Variants in RFC3 observed in about 807,000 individuals in gnomAD.
The protein encoded by RFC3 is A1 38 kDa subunit.
Under a neutral mutation model 45.1 loss-of-function variants are expected in RFC3, and 41 were observed. That is an observed-to-expected ratio of 0.91 (90% confidence interval 0.71 to 1.18). RFC3 has a LOEUF of 1.18. RFC3 is among the 50% of genes most tolerant of loss of function. RFC3 has a pLI of 0.00. For synonymous variants in RFC3, 149 were observed against 144.0 expected (o/e 1.03, Z -0.25); for missense variants, 423 against 428.1 (o/e 0.99, Z 0.10).
chr13:33,892,602 T>A (rs1018666077), intron 8 of RFC3, among the ~76,000 whole-genome samples: 13 of 152,176 alleles, frequency 8.5e-5, no homozygotes, highest in Non-Finnish European at 7.4e-5. Flanking sequence ...AAGTTAGTGT[T>A]TTTGTGTCTC....
At chr13:33,852,062 T>C (rs1162800525) in intron 8 of RFC3, among the ~76,000 whole-genome samples, 3 of 152,186 alleles carry the variant, frequency 2.0e-5, no homozygotes, top group South Asian at 2.1e-4. Context: ...ATGAGAGTAT[T>C]GCACTATCTG....
rs533458165 is a variant in RFC3, at chr13:33,829,779, CAAGTT to C, written c.392-54_392-50del. On this transcript the variant is annotated intron_variant, in intron 4 of 8. Coordinates refer to ENST00000380071, the MANE Select transcript of RFC3 (RefSeq NM_002915.4). Reference sequence around the variant, plus strand: ...TGGATAATGAGAAGGAAGAAAGAGACAAGTTAAAGTTTGAGTGAACTCAAGTTAAA... The same window carrying C: ...TGGATAATGAGAAGGAAGAAAGAGACAAAGTTTGAGTGAACTCAAGTTAAA... 4.2e-3 allele frequency: 5,478 copies of C among 1,314,494 alleles called. 10 individuals carry two copies. Among genetic ancestry groups the C allele is most frequent in the Non-Finnish European group, 5.1e-3 (4,604 of 907,756 alleles). The allele number at this position is 1,314,494 out of a possible 1,614,324, so 81.4% of individuals were successfully genotyped here. A position where few individuals can be genotyped will look rare whatever the true frequency, so the allele number is the denominator to read the frequency against.
chr13:33,887,968 G>T (rs1343248278), intron 8 of RFC3, among the ~76,000 whole-genome samples: 6 of 152,198 alleles, frequency 3.9e-5, no homozygotes, highest in Non-Finnish European at 7.3e-5. Context: ...TGAGGGCTCT[G>T]TTCTGTTCCA....
intron 8 of RFC3, among the ~76,000 whole-genome samples, chr13:33,910,317 A>G (rs2082696410): frequency 6.6e-6 from 1 of 152,108 alleles, no homozygotes; most frequent in Non-Finnish European, 1.5e-5. Context: ...TCACTTAGAC[A>G]TTATCTTTTC....
At chr13:33,818,305 C>A (rs1473562591) in intron 1 of RFC3, 40 bp downstream of exon 1, 2 of 1,576,364 alleles carry the variant, frequency 1.3e-6, no homozygotes, top group Non-Finnish European at 1.7e-6. Context: ...GAGGGGAGGC[C>A]CCCCGGCTCG....
chr13:33,935,906 G>A (rs1454934143), intron 8 of RFC3, among the ~76,000 whole-genome samples: 1 of 152,172 alleles, frequency 6.6e-6, no homozygotes, highest in Non-Finnish European at 1.5e-5. Flanking sequence ...AAAATGTGCT[G>A]GGCCTAAAGT....
chr13:33,935,933 A>G (rs1056939630), intron 8 of RFC3, among the ~76,000 whole-genome samples: 5 of 152,228 alleles, frequency 3.3e-5, no homozygotes, highest in African/African-American at 9.6e-5. Context: ...TCACAGCTCA[A>G]GCTGCTGCAT....
the RFC3 span, among the ~76,000 whole-genome samples, chr13:33,972,832 A>G: frequency 6.6e-6 from 1 of 152,230 alleles, no homozygotes; most frequent in African/African-American, 2.4e-5. Context: ...CATATAATAC[A>G]ATAATATGAC....
intron 6 of RFC3, 55 bp downstream of exon 6, chr13:33,830,910 C>T (rs1241528534): frequency 1.3e-6 from 2 of 1,515,776 alleles, no homozygotes; most frequent in African/African-American, 2.8e-5. Flanking sequence ...CTTTTTGGCA[C>T]CAGGGACCAG....
At chr13:33,894,461 A>C (rs983945214) in intron 8 of RFC3, among the ~76,000 whole-genome samples, 11 of 152,198 alleles carry the variant, frequency 7.2e-5, no homozygotes, top group African/African-American at 2.7e-4. Flanking sequence ...AGAAGCTTCC[A>C]ACTGTGATTC....
intron 8 of RFC3, among the ~76,000 whole-genome samples, chr13:33,926,338 C>A (rs2082813395): frequency 6.6e-6 from 1 of 151,042 alleles, no homozygotes; most frequent in Non-Finnish European, 1.5e-5. Context: ...TGCACATGTA[C>A]CCTAAAACTT....
intron 8 of RFC3, among the ~76,000 whole-genome samples, chr13:33,862,352 A>C (rs2082346395): frequency 6.6e-6 from 1 of 150,964 alleles, no homozygotes. Context: ...GTATAATTGC[A>C]ATGAAATATA....
At chr13:33,834,653 T>C (rs549494914) in intron 7 of RFC3, among the ~76,000 whole-genome samples, 2 of 152,114 alleles carry the variant, frequency 1.3e-5, no homozygotes, top group Non-Finnish European at 2.9e-5. Flanking sequence ...GTATATTATC[T>C]TGTGTCACCT....
intron 8 of RFC3, among the ~76,000 whole-genome samples, chr13:33,929,635 C>G (rs1381555717): frequency 6.6e-6 from 1 of 151,942 alleles, no homozygotes; most frequent in South Asian, 2.1e-4. Context: ...AAATTTTAAA[C>G]TTACCTATAA....
chr13:33,976,950 T>C, the RFC3 span, among the ~76,000 whole-genome samples: 1 of 152,088 alleles, frequency 6.6e-6, no homozygotes. Flanking sequence ...AGGTTAGCAA[T>C]AGTGATGAGT....
intron 8 of RFC3, among the ~76,000 whole-genome samples, chr13:33,963,069 G>A (rs2083067014): frequency 1.3e-5 from 2 of 151,938 alleles, no homozygotes; most frequent in Admixed American, 1.3e-4. Context: ...TATTACCACA[G>A]GTTACCACTA....
chr13:33,933,059 G>A (rs769468754), intron 8 of RFC3, among the ~76,000 whole-genome samples: 2 of 152,096 alleles, frequency 1.3e-5, no homozygotes, highest in African/African-American at 2.4e-5. Flanking sequence ...CTGAGATACT[G>A]GTTTTTCCCT....
intron 8 of RFC3, among the ~76,000 whole-genome samples, chr13:33,925,688 T>TACACAC (rs1160986521): frequency 3.3e-4 from 46 of 138,344 alleles, no homozygotes; most frequent in African/African-American, 1.2e-3. Context: ...TGTATGTATA[T>TACACAC]ATACACACAC....
rs1566387625 is a variant in RFC3, at chr13:33,837,312, G to A, written c.*1017G>A. 3 of 152,138 alleles carry A rather than the reference G, an allele frequency of 2.0e-5. No individual in the cohort carries two copies. Among genetic ancestry groups the A allele is most frequent in the Non-Finnish European group, 2.9e-5 (2 of 68,032 alleles). 9.4% of individuals were successfully genotyped at this position (152,138 alleles called of 1,614,324 possible). A position where few individuals can be genotyped will look rare whatever the true frequency, so the allele number is the denominator to read the frequency against. On this transcript the variant is annotated 3_prime_UTR_variant, in exon 9 of 9. Transcript: ENST00000380071. ...CAAGAATTTAATGGAATCAGATATTGTAAGCATTCTTGTGTAATACTTCAT... is the reference window on the plus strand; with the variant it reads ...CAAGAATTTAATGGAATCAGATATTATAAGCATTCTTGTGTAATACTTCAT...
Sources: allele counts gnomAD v4.1 joint callset (sites outside exome capture counted in the v4.1 genomes callset), GRCh38; gene constraint gnomAD v4.1.1; transcripts MANE v1.5; gene names NCBI Gene and HGNC (gene_info 2026-07-23, HGNC 2026-07-21).